Variants in PCNT observed in about 807,000 individuals in gnomAD.
PCNT encodes the protein kendrin.
A neutral mutation model predicts 380.4 loss-of-function variants in PCNT; 319 were observed. The ratio of observed to expected loss-of-function variants is 0.84; its 90% CI spans 0.77 to 0.92. PCNT has a LOEUF of 0.92. Among genes scored for constraint, PCNT ranks in the 40% least tolerant of loss-of-function variants. The pLI is 0.00. For synonymous variants in PCNT, 1,845 were observed against 1,735.2 expected, an observed-to-expected ratio of 1.06 and a Z score of -1.57; for missense variants, 4,400 against 4,255.3, an observed-to-expected ratio of 1.03 and a Z score of -0.95.
intron 24 of PCNT, among the ~76,000 whole-genome samples, chr21:46,398,497 A>C (rs1184346890): frequency 1.3e-5 from 2 of 152,260 alleles, no homozygotes; most frequent in Non-Finnish European, 2.9e-5. Context: ...GTGGTTCCCC[A>C]GAGGTCTCAT....
chr21:46,373,272 C>T (rs1689197702), intron 15 of PCNT, among the ~76,000 whole-genome samples: 1 of 152,136 alleles, frequency 6.6e-6, no homozygotes, highest in South Asian at 2.1e-4. Flanking sequence ...TTGTCTCAGC[C>T]TCCCAAAGTG....
At position 46,440,151 on chromosome 21, in the gene PCNT, C is replaced by G. The variant is rs559240010; in HGVS notation, c.9342C>G (p.Pro3114=). ...AGAGTTCCCTGAGGCGCCCAGACCC[C>G]GGCCGGCTTCCACCAGCTGCCAGCG... ...APQSSLRRPD[P]GRLPPAASEE... Residue 3114 remains proline, a synonymous_variant, in exon 42 of 47, where the codon CCC becomes CCG. Transcript: ENST00000359568. 1 of 1,614,132 alleles carries G rather than the reference C, an allele frequency of 6.2e-7. No homozygotes were observed. Among genetic ancestry groups the G allele is most frequent in the Non-Finnish European group, 8.5e-7 (1 of 1,180,026 alleles).
intron 30 of PCNT, 93 bp downstream of exon 30, chr21:46,416,932 A>G (rs2087050870): frequency 7.8e-7 from 1 of 1,288,914 alleles, no homozygotes; most frequent in African/African-American, 1.4e-5. Flanking sequence ...TCACCTCCTG[A>G]CAGCACACAC....
chr21:46,431,510 G>T lies in PCNT; in HGVS notation c.8065-19G>T, dbSNP rs78561636. 3.1e-6 allele frequency: 5 copies of T among 1,613,894 alleles called. No homozygotes were observed. The South Asian group carries it at 4.4e-5, about 14-fold the overall frequency. The stretch of plus-strand genomic sequence containing the variant: ...TCCTCTTGATTCAGTGTCTCCCATC[G>T]TATGTGTTTGCTGTCTAGGAGCTGC... On this transcript the variant is annotated intron_variant, in intron 37 of 46. Transcript: ENST00000359568.
intron 1 of PCNT, chr21:46,325,041 C>T (rs957274085): frequency 2.0e-6 from 2 of 985,418 alleles, no homozygotes; most frequent in African/African-American, 1.7e-5. Flanking sequence ...AAGGGACGCG[C>T]TCCCGTCTTT....
chr21:46,441,168 A>G lies in PCNT; in HGVS notation c.9623+84A>G, dbSNP rs923115640. 3.3e-5 allele frequency: 28 copies of G among 855,176 alleles called. No homozygotes were observed. In the African/African-American group the frequency reaches 4.0e-4, roughly 12 times the overall value. 53.0% of individuals were successfully genotyped at this position (855,176 alleles called of 1,614,324 possible). On this transcript the variant is annotated intron_variant, in intron 43 of 46. Transcript: ENST00000359568. ...CACTGCATGGTTTTTTGGTCATTTT[A>G]TTCCTTGAAACTCCATAATATGTTC...
rs752767708 is a variant in PCNT at position 46,353,271 on chromosome 21, C to T, written c.1624C>T (p.Gln542Ter). Residue 542 changes from glutamine (Q) to a stop codon, truncating the protein, a stop_gained, in exon 10 of 47, where the codon CAG (glutamine) becomes TAG (stop). Coordinates refer to ENST00000359568, the MANE Select transcript of PCNT (RefSeq NM_006031.6). LOFTEE classifies it high-confidence loss of function. ...TTACCAAGAAGACCTAACCCTGTTA[C>T]AGCAGAGGCTGCAGGGGGCGAGGGA... ...KTYQEDLTLL[Q>*]QRLQGAREDA... 3.1e-6 allele frequency: 5 copies of T among 1,614,040 alleles called. No homozygotes were observed. The highest frequency in any genetic ancestry group is 3.3e-5 in the Admixed American group (2 of 60,000).
intron 32 of PCNT, among the ~76,000 whole-genome samples, chr21:46,423,811 T>G (rs957472167): frequency 0.045 from 615 of 13,744 alleles, no homozygotes; most frequent in Middle Eastern, 0.071. Flanking sequence ...GAAGGGGGAG[T>G]GGGAGGGGAG....
At chr21:46,370,856 G>A (rs9980590) in intron 15 of PCNT, among the ~76,000 whole-genome samples, 64,268 of 151,972 alleles carry the variant, frequency 0.42, 16,043 homozygotes, top group African/African-American at 0.7. Flanking sequence ...TAACACGGTG[G>A]AACCCCGTTT....
At position 46,399,826 on chromosome 21, in the gene PCNT, C is replaced by T. The variant is rs748287856; in HGVS notation, c.4791+30C>T. On this transcript the variant is annotated intron_variant, in intron 25 of 46. Coordinates refer to ENST00000359568, the MANE Select transcript of PCNT (RefSeq NM_006031.6). ...AGCGTCTCCATGTTGTGGTTGGGCA[C>T]GTGGTGAGGTGTCCCGCAGGCATGG... The T allele has an allele frequency of 7.6e-6, 12 of 1,585,500 alleles. No homozygotes were observed. The Middle Eastern group carries it at 5.0e-4, about 66-fold the overall frequency.
chr21:46,353,778 C>T (rs1185860929), intron 10 of PCNT, among the ~76,000 whole-genome samples: 2 of 150,416 alleles, frequency 1.3e-5, no homozygotes, highest in Admixed American at 6.6e-5. Flanking sequence ...GAGTCAGTGG[C>T]GGGCACACTT....
intron 42 of PCNT, among the ~76,000 whole-genome samples, chr21:46,440,646 C>G (rs2053583755): frequency 6.6e-6 from 1 of 152,176 alleles, no homozygotes; most frequent in African/African-American, 2.4e-5. Flanking sequence ...AGCTTGTGGT[C>G]CTAGATCTTG....
At chr21:46,375,413 T>G (rs1240627800) in intron 15 of PCNT, among the ~76,000 whole-genome samples, 1 of 152,274 alleles carries the variant, frequency 6.6e-6, no homozygotes, top group Admixed American at 6.5e-5. Context: ...GCATGCCACT[T>G]ACTTATGATT....
In PCNT at chr21:46,401,625, A is replaced by C; in HGVS notation, c.4866A>C (p.Ala1622=). 1.2e-6 allele frequency: 2 copies of C among 1,614,054 alleles called. No homozygotes were observed. The highest frequency in any genetic ancestry group is 1.7e-6 in the Non-Finnish European group (2 of 1,179,944). The part of the protein sequence containing the change: ...LASTLQSTLD[A]GRCPEPPSGS... ...CCACGTTGCAGTCTACACTAGATGC[A>C]GGCAGATGTCCCGAGCCTCCTTCGG... is the stretch of plus-strand genomic sequence containing the variant. Residue 1622 remains alanine (A), a synonymous_variant, in exon 26 of 47, where the codon GCA becomes GCC. Coordinates refer to ENST00000359568, the MANE Select transcript of PCNT (RefSeq NM_006031.6).
chr21:46,418,395 G>T, intron 31 of PCNT, 89 bp downstream of exon 31: 1 of 841,638 alleles, frequency 1.2e-6, no homozygotes, highest in Non-Finnish European at 2.0e-6. Context: ...CCTTTGCCTG[G>T]TTCTGCGTCT....
At chr21:46,342,574 C>G (rs1386322511) in intron 3 of PCNT, among the ~76,000 whole-genome samples, 1 of 142,648 alleles carries the variant, frequency 7.0e-6, no homozygotes, top group Non-Finnish European at 1.5e-5. Context: ...GAGTTTTGCT[C>G]TTGTTGCCCA....
chr21:46,346,638 A>C, intron 4 of PCNT, 105 bp from the exon 5 acceptor site: 2 of 1,405,132 alleles, frequency 1.4e-6, no homozygotes, highest in South Asian at 1.2e-5. Context: ...CTGCTGTTTC[A>C]TTTTCTGTGT....
intron 10 of PCNT, among the ~76,000 whole-genome samples, chr21:46,353,733 TGTGTGTGTGTGTGTGTGTGAGA>T (rs796933667): frequency 5.2e-5 from 7 of 135,548 alleles, no homozygotes; most frequent in African/African-American, 1.9e-4. Flanking sequence ...TGTGTGTGTG[TGTGTGTGTGTGTGTGTGTGAGA>T]GAGACAGAGA....
At chr21:46,428,295 C>A in intron 34 of PCNT, 100 bp from the exon 35 acceptor site, 1 of 1,075,894 alleles carries the variant, frequency 9.3e-7, no homozygotes, top group Non-Finnish European at 1.4e-6. Flanking sequence ...ACTCAGCAGG[C>A]TTGTCCCGGC....
Sources: gnomAD v4.1 joint callset for allele counts (sites outside exome capture counted in the v4.1 genomes callset) on GRCh38, gnomAD v4.1.1 for gene constraint, MANE v1.5 for transcripts, NCBI Gene and HGNC (gene_info 2026-07-23, HGNC 2026-07-21) for gene names.